DLG2: variants seen among roughly 807,000 people sequenced by gnomAD.
DLG2 encodes discs large MAGUK scaffold protein 2.
Under a neutral mutation model 132.5 loss-of-function variants are expected in DLG2, and 45 were observed. The observed-to-expected ratio is 0.34, with a 90% confidence interval of 0.27 to 0.44. The LOEUF (loss-of-function observed/expected upper bound fraction) is 0.44, where lower values mean the gene tolerates loss of function less well. Among genes scored for constraint, DLG2 ranks in the 20% least tolerant of loss-of-function variants. DLG2 has a pLI of 1.00. For missense variants in DLG2, 1,045 were observed against 1,196.9 expected (o/e 0.87, Z 1.87); for synonymous variants, 424 against 419.6 (o/e 1.01, Z -0.13).
At chr11:83,523,642 T>C (rs2140623850) in intron 21 of DLG2, among the ~76,000 whole-genome samples, 1 of 152,296 alleles carries the variant, frequency 6.6e-6, no homozygotes, top group South Asian at 2.1e-4. Flanking sequence ...AAATGAGCAA[T>C]GGTTATAAAA....
intron 8 of DLG2, among the ~76,000 whole-genome samples, chr11:84,225,040 C>CT (rs1317548834): frequency 6.6e-6 from 1 of 152,174 alleles, no homozygotes; most frequent in African/African-American, 2.4e-5. Flanking sequence ...TTCTTACTCC[C>CT]TCTTCACAGT....
chr11:83,949,580 G>A lies in DLG2; in HGVS notation c.1340+13305C>T, dbSNP rs1035341541. Among the ~76,000 whole-genome samples the A allele has an allele frequency of 1.2e-4, 19 of 152,054 alleles. 1 individual carries two copies. Among genetic ancestry groups the A allele is most frequent in the African/African-American group, 3.9e-4 (16 of 41,404 alleles). The stretch of plus-strand genomic sequence containing the variant: ...GAAACCAAGGGATAAATAGTGCAAG[G>A]TCATAGAACTATTTAATGGCAGAGC... On this transcript the variant is annotated intron_variant, in intron 14 of 27. Transcript: ENST00000376104.
At chr11:83,543,719 G>C (rs1482537893) in intron 19 of DLG2, among the ~76,000 whole-genome samples, 1 of 152,166 alleles carries the variant, frequency 6.6e-6, no homozygotes, top group Non-Finnish European at 1.5e-5. Flanking sequence ...CAAATAGTAA[G>C]TATGAACTAA....
At chr11:83,705,726 T>C (rs751388098) in intron 18 of DLG2, among the ~76,000 whole-genome samples, 1 of 152,200 alleles carries the variant, frequency 6.6e-6, no homozygotes, top group Non-Finnish European at 1.5e-5. Flanking sequence ...CATTATTTTA[T>C]TTTTTAAAAT....
At chr11:85,278,880 T>C (rs1384911943) in intron 4 of DLG2, among the ~76,000 whole-genome samples, 3 of 152,164 alleles carry the variant, frequency 2.0e-5, no homozygotes, top group Non-Finnish European at 2.9e-5. Flanking sequence ...CCTGGACAAG[T>C]TGCTTATCTT....
At chr11:85,524,247 T>C (rs779033373) in intron 3 of DLG2, among the ~76,000 whole-genome samples, 2 of 152,070 alleles carry the variant, frequency 1.3e-5, no homozygotes, top group African/African-American at 2.4e-5. Flanking sequence ...AGAGTATAAC[T>C]GGATTATTTG....
chr11:85,376,955 C>CTA (rs1446996905), intron 3 of DLG2, among the ~76,000 whole-genome samples: 1 of 152,138 alleles, frequency 6.6e-6, no homozygotes, highest in East Asian at 1.9e-4. Flanking sequence ...GTGCGCCTTA[C>CTA]TATATGTCAG....
chr11:83,563,741 A>G (rs1475939049), intron 19 of DLG2, among the ~76,000 whole-genome samples: 6 of 152,362 alleles, frequency 3.9e-5, no homozygotes, highest in African/African-American at 1.2e-4. Context: ...GATAGGTGTT[A>G]GCCAAGATTC....
intron 6 of DLG2, among the ~76,000 whole-genome samples, chr11:84,570,973 A>C (rs924254081): frequency 2.0e-5 from 3 of 152,182 alleles, no homozygotes; most frequent in South Asian, 2.1e-4. Context: ...GACATTTAAA[A>C]GTATTTGCTA....
intron 3 of DLG2, among the ~76,000 whole-genome samples, chr11:85,358,893 T>C (rs2083937425): frequency 1.3e-5 from 2 of 152,218 alleles, no homozygotes; most frequent in South Asian, 4.1e-4. Context: ...TGGCATCTAT[T>C]TCCTCACAGC....
At chr11:85,494,633 C>T (rs1307729576) in intron 3 of DLG2, among the ~76,000 whole-genome samples, 1 of 151,656 alleles carries the variant, frequency 6.6e-6, no homozygotes, top group Non-Finnish European at 1.5e-5. Context: ...TTGGAAAATG[C>T]CTTCCCTGTG....
At chr11:84,072,339 A>G (rs10792714) in intron 10 of DLG2, among the ~76,000 whole-genome samples, 119,502 of 151,840 alleles carry the variant, frequency 0.79, 48,843 homozygotes, top group Middle Eastern at 0.93. Flanking sequence ...AGCCACCTCC[A>G]GACCCGGGTT....
intron 3 of DLG2, among the ~76,000 whole-genome samples, chr11:85,413,257 T>G (rs1057170411): frequency 6.6e-6 from 1 of 152,014 alleles, no homozygotes; most frequent in African/African-American, 2.4e-5. Context: ...TTGATGAAAT[T>G]GTTTTCTTCT....
intron 3 of DLG2, among the ~76,000 whole-genome samples, chr11:85,522,809 C>T (rs1000262851): frequency 7.2e-5 from 11 of 152,138 alleles, no homozygotes; most frequent in African/African-American, 2.7e-4. Flanking sequence ...ATGCCTGTAC[C>T]CCCATTGAAT....
At chr11:83,981,866 C>T (rs1470033283) in intron 11 of DLG2, among the ~76,000 whole-genome samples, 1 of 152,134 alleles carries the variant, frequency 6.6e-6, no homozygotes, top group African/African-American at 2.4e-5. Flanking sequence ...ACAATCTTAA[C>T]TTATATTAAA....
chr11:84,180,634 T>C (rs1466874203), intron 8 of DLG2, among the ~76,000 whole-genome samples: 1 of 152,026 alleles, frequency 6.6e-6, no homozygotes, highest in East Asian at 1.9e-4. Context: ...ATATTCAAAC[T>C]TCAGAAAATC....
At chr11:83,595,266 T>C (rs1565973262) in intron 19 of DLG2, among the ~76,000 whole-genome samples, 1 of 152,340 alleles carries the variant, frequency 6.6e-6, no homozygotes, top group East Asian at 1.9e-4. Flanking sequence ...AGGCATTAAG[T>C]GCTTTTATGC....
chr11:84,632,693 T>A (rs1193571686), intron 6 of DLG2, among the ~76,000 whole-genome samples: 1 of 152,196 alleles, frequency 6.6e-6, no homozygotes, highest in Admixed American at 6.5e-5. Context: ...GCTTAAGCCA[T>A]CCCTGAAGGT....
intron 6 of DLG2, among the ~76,000 whole-genome samples, chr11:84,811,548 C>G (rs1009018998): frequency 1.3e-5 from 2 of 152,012 alleles, no homozygotes; most frequent in Non-Finnish European, 2.9e-5. Flanking sequence ...ATACTAACAA[C>G]AAAGACAATT....
Sources: gnomAD v4.1 joint callset for allele counts (sites outside exome capture counted in the v4.1 genomes callset) on GRCh38, gnomAD v4.1.1 for gene constraint, MANE v1.5 for transcripts, NCBI Gene and HGNC (gene_info 2026-07-23, HGNC 2026-07-21) for gene names.